The following WAC variants were observed in gnomAD, a reference collection of about 807,000 sequenced individuals.
The protein encoded by WAC is WW domain containing adaptor with coiled-coil, also known as WW domain-containing adapter protein with coiled-coil.
In WAC, 11 loss-of-function variants were observed where a neutral mutation model predicts 79.6. The observed-to-expected ratio is 0.14, with a 90% CI of 0.09 to 0.23. The LOEUF (loss-of-function observed/expected upper bound fraction) is 0.23, where lower values mean the gene tolerates loss of function less well. Among genes scored for constraint, WAC ranks in the 10% least tolerant of loss-of-function variants. The pLI is 1.00. For missense variants in WAC, 728 were observed against 773.5 expected (o/e 0.94, Z 0.70); for synonymous variants, 304 against 276.9 (o/e 1.10, Z -0.97).
chr10:28,590,327 A>C (rs956334113), intron 5 of WAC, among the ~76,000 whole-genome samples: 276 of 152,156 alleles, frequency 1.8e-3, no homozygotes, highest in African/African-American at 6.4e-3. Flanking sequence ...AAAAAAAAAA[A>C]AAAAAAAATC....
chr10:28,551,784 TTGTG>T (rs71769370), intron 3 of WAC, among the ~76,000 whole-genome samples: 3,393 of 124,738 alleles, frequency 0.027, 108 homozygotes, highest in African/African-American at 0.079. Flanking sequence ...TCCTGTCTAC[TTGTG>T]TGTGTGTGTG....
intron 3 of WAC, among the ~76,000 whole-genome samples, chr10:28,552,488 G>A (rs1466674307): frequency 3.3e-5 from 5 of 152,026 alleles, no homozygotes; most frequent in Non-Finnish European, 7.4e-5. Flanking sequence ...GAAGCATATA[G>A]AGGGCTTGTG....
intron 7 of WAC, among the ~76,000 whole-genome samples, chr10:28,605,894 G>GT (rs1210891039): frequency 6.6e-6 from 1 of 152,138 alleles, no homozygotes; most frequent in Non-Finnish European, 1.5e-5. Context: ...AATTCATGCA[G>GT]TAAGTAGAAA....
Position 28,595,790 on chromosome 10 carries a change from A to C in WAC, c.668A>C (p.Gln223Pro). ...SSLLPQNILS[Q>P]TSRHNDRDYR... The stretch of plus-strand genomic sequence containing the variant: ...TTGCTCCCACAGAATATTTTGTCTC[A>C]AACAAGCAGACACAATGACAGAGAC... Residue 223 changes from glutamine to proline, a missense_variant, in exon 7 of 14, where the codon CAA becomes CCA. This residue lies in a region of WAC where 648 missense variants were observed against 661.5 expected (regional missense o/e 0.98). Transcript: ENST00000354911. The C allele has an allele frequency of 6.2e-7, 1 of 1,614,144 alleles. No individual in the cohort carries two copies.
intron 3 of WAC, among the ~76,000 whole-genome samples, chr10:28,553,504 T>A (rs1037161485): frequency 2.0e-5 from 3 of 152,146 alleles, no homozygotes; most frequent in Non-Finnish European, 4.4e-5. Context: ...TTTCAGAAAT[T>A]CTTGTGTATT....
chr10:28,610,231 C>G (rs1426516717), intron 8 of WAC, among the ~76,000 whole-genome samples: 1 of 152,096 alleles, frequency 6.6e-6, no homozygotes, highest in Non-Finnish European at 1.5e-5. Context: ...GGCCAATACT[C>G]CCTTTTTTGT....
At chr10:28,537,090 C>T (rs1431294139) in intron 3 of WAC, among the ~76,000 whole-genome samples, 2 of 152,182 alleles carry the variant, frequency 1.3e-5, no homozygotes, top group African/African-American at 2.4e-5. Context: ...AAAATACAGT[C>T]AGAAGATTGC....
In WAC at chr10:28,595,915, T is replaced by G. The variant is rs1486277530; in HGVS notation, c.793T>G (p.Ser265Ala). ...HPTATPSTVP[S>A]SPFTLQSDHQ... is the part of the protein sequence containing the mutation. ...AACTGCTACCCCAAGCACTGTTCCT[T>G]CTAGTCCATTTACGCTACAGTCTGA... The change falls in exon 7 of 14, where the codon TCT becomes GCT. Residue 265 changes from serine (S) to alanine (A), a missense_variant. Around this residue, in one of 3 missense-constraint regions of WAC, gnomAD observed 648 missense variants for 661.5 expected, o/e 0.98. Transcript: ENST00000354911. 9 of 1,614,160 alleles carry G rather than the reference T, an allele frequency of 5.6e-6. No homozygotes were observed. Among genetic ancestry groups the G allele is most frequent in the Non-Finnish European group, 7.6e-6 (9 of 1,180,020 alleles).
chr10:28,595,787 C>A lies in WAC; in HGVS notation c.665C>A (p.Ser222Tyr), dbSNP rs917474848. 5.6e-6 allele frequency: 9 copies of A among 1,613,944 alleles called. No individual in the cohort carries two copies. The Admixed American group carries it at 1.2e-4, about 21-fold the overall frequency. Residue 222 changes from serine to tyrosine, a missense_variant, in exon 7 of 14, where the codon TCT becomes TAT. Physicochemically the swap from Ser to Tyr is moderately radical, Grantham distance 144. Around this residue, in one of 3 missense-constraint regions of WAC, gnomAD observed 648 missense variants for 661.5 expected, o/e 0.98. Coordinates refer to ENST00000354911, the MANE Select transcript of WAC (RefSeq NM_016628.5). ...AGTTTGCTCCCACAGAATATTTTGT[C>A]TCAAACAAGCAGACACAATGACAGA... ...ASSLLPQNIL[S>Y]QTSRHNDRDY...
intron 3 of WAC, among the ~76,000 whole-genome samples, chr10:28,559,136 A>ATATGTGTGTGTGTGTG (rs1554780979): frequency 6.8e-5 from 10 of 146,762 alleles, no homozygotes; most frequent in South Asian, 4.5e-4. Flanking sequence ...GAGAAACCTG[A>ATATGTGTGTGTGTGTG]TGTGTGTGTG....
intron 6 of WAC, among the ~76,000 whole-genome samples, chr10:28,594,451 C>T (rs887577383): frequency 1.3e-5 from 2 of 152,202 alleles, no homozygotes; most frequent in African/African-American, 4.8e-5. Flanking sequence ...TACTATCATA[C>T]AACAGATGTT....
intron 3 of WAC, 98 bp downstream of exon 3, chr10:28,535,855 C>G (rs1836631811): frequency 9.0e-6 from 9 of 1,001,908 alleles, no homozygotes; most frequent in Non-Finnish European, 1.1e-5. Flanking sequence ...AGTTACTGTT[C>G]AGTTATGTCA....
intron 3 of WAC, among the ~76,000 whole-genome samples, chr10:28,567,781 G>T (rs1838728882): frequency 6.6e-6 from 1 of 152,034 alleles, no homozygotes; most frequent in African/African-American, 2.4e-5. Context: ...TGGAGATGAG[G>T]TCCCACTTTA....
At chr10:28,545,904 T>C (rs1837327754) in intron 3 of WAC, among the ~76,000 whole-genome samples, 2 of 152,264 alleles carry the variant, frequency 1.3e-5, no homozygotes, top group Non-Finnish European at 2.9e-5. Context: ...AGCATTAAGC[T>C]GTCCTGAGAC....
chr10:28,535,578 C>G lies in WAC; in HGVS notation c.95C>G (p.Ser32Trp). Residue 32 changes from serine (S) to tryptophan (W), a missense_variant, in exon 3 of 14, where the codon TCG becomes TGG. By Grantham distance (177) the Ser-to-Trp change is radical. Around this residue, in one of 3 missense-constraint regions of WAC, gnomAD observed 648 missense variants for 661.5 expected, o/e 0.98. Transcript: ENST00000354911. ...SQPYQALKYS[S>W]KSHPSSGDHR... ...GTTTTACAGGCACTTAAGTATTCAT[C>G]GAAGAGTCACCCCAGTAGCGGTGAT... The G allele has an allele frequency of 2.5e-6, 4 of 1,609,404 alleles. No individual in the cohort carries two copies. In the South Asian group the frequency reaches 3.3e-5, roughly 13 times the overall value.
intron 6 of WAC, among the ~76,000 whole-genome samples, chr10:28,594,230 G>T (rs1840239940): frequency 6.6e-6 from 1 of 151,940 alleles, no homozygotes; most frequent in African/African-American, 2.4e-5. Flanking sequence ...GAGTACATAC[G>T]CTTGATACAT....
chr10:28,586,160 T>C (rs1003765497), intron 4 of WAC, among the ~76,000 whole-genome samples: 2 of 152,212 alleles, frequency 1.3e-5, no homozygotes, highest in African/African-American at 4.8e-5. Context: ...TTTAGAGTTA[T>C]CTACACAGAT....
intron 3 of WAC, among the ~76,000 whole-genome samples, chr10:28,560,900 T>C (rs965359951): frequency 3.9e-5 from 6 of 152,286 alleles, no homozygotes; most frequent in Non-Finnish European, 7.4e-5. Context: ...GATCCCTGTG[T>C]TACTATGTTG....
At chr10:28,608,534 T>G (rs1187715674) in intron 8 of WAC, 103 bp downstream of exon 8, 10 of 1,260,182 alleles carry the variant, frequency 7.9e-6, no homozygotes, top group Non-Finnish European at 8.5e-6. Flanking sequence ...TCTTTTGAAA[T>G]TTATAGTTGA....
Sources: gnomAD v4.1 joint callset for allele counts (sites outside exome capture counted in the v4.1 genomes callset) on GRCh38, gnomAD v4.1.1 for gene constraint, gnomAD v4.1.1 regional missense constraint, MANE v1.5 for transcripts, NCBI Gene and HGNC (gene_info 2026-07-23, HGNC 2026-07-21) for gene names.